The following CDCA2 variants were observed in gnomAD, a reference collection of about 807,000 sequenced individuals.
CDCA2 encodes cell division cycle-associated protein 2.
Under a neutral mutation model 67.0 loss-of-function variants are expected in CDCA2, and 44 were observed. The ratio of observed to expected loss-of-function variants is 0.66; its 90% CI spans 0.52 to 0.84. CDCA2 has a LOEUF of 0.84. Among genes scored for constraint, CDCA2 ranks in the 40% least tolerant of loss-of-function variants. CDCA2 has a pLI of 0.00. For synonymous variants in CDCA2, 447 were observed against 418.7 expected, an observed-to-expected ratio of 1.07 and a Z score of -0.82; for missense variants, 1,253 against 1,203.2, an observed-to-expected ratio of 1.04 and a Z score of -0.61.
At chr8:25,490,325 T>G (rs1803952537) in intron 13 of CDCA2, among the ~76,000 whole-genome samples, 2 of 151,964 alleles carry the variant, frequency 1.3e-5, no homozygotes, top group Non-Finnish European at 1.5e-5. Flanking sequence ...CCCAGGACCT[T>G]GCTGAATTAA....
rs554638374 is a variant in CDCA2, at chr8:25,506,944, A to G, written c.2278A>G (p.Asn760Asp). The change falls in exon 15 of 15, where the codon AAC (asparagine) becomes GAC (aspartate). Residue 760 changes from asparagine (N) to aspartate (D), a missense_variant. Asn to Asp is a conservative substitution (Grantham distance 23). Coordinates refer to ENST00000330560, the MANE Select transcript of CDCA2 (RefSeq NM_152562.4). ...CQFFKISPDL[N>D]IKCERKDDFL... Reference sequence around the variant, plus strand: ...GTTCTTTAAAATTTCACCAGATTTAAACATAAAGTGTGAAAGAAAGGATGA... The same window carrying G: ...GTTCTTTAAAATTTCACCAGATTTAGACATAAAGTGTGAAAGAAAGGATGA... 2.2e-5 allele frequency: 36 copies of G among 1,613,692 alleles called. No individual in the cohort carries two copies. The South Asian group carries it at 3.7e-4, about 17-fold the overall frequency.
Position 25,503,472 on chromosome 8 carries a change from A to G in CDCA2, c.1771A>G (p.Ser591Gly), listed in dbSNP as rs1214654951. The G allele has an allele frequency of 6.2e-7, 1 of 1,613,892 alleles. No homozygotes were observed. Among genetic ancestry groups the G allele is most frequent in the Non-Finnish European group, 8.5e-7 (1 of 1,179,918 alleles). Reference sequence around the variant, plus strand: ...CATTGCTTCTAAGAAGCCCCTCCTCAGTCCTATTCCCGAGCTGCCTGAAGT... The same window carrying G: ...CATTGCTTCTAAGAAGCCCCTCCTCGGTCCTATTCCCGAGCTGCCTGAAGT... Reference protein sequence around the residue: ...RDIASKKPLLSPIPELPEVPE... With the variant: ...RDIASKKPLLGPIPELPEVPE... Residue 591 changes from serine to glycine, a missense_variant, in exon 14 of 15, where the codon AGT becomes GGT. Coordinates refer to ENST00000330560, the MANE Select transcript of CDCA2 (RefSeq NM_152562.4).
At chr8:25,467,647 T>A (rs945879749) in intron 5 of CDCA2, among the ~76,000 whole-genome samples, 1 of 152,200 alleles carries the variant, frequency 6.6e-6, no homozygotes, top group Non-Finnish European at 1.5e-5. Flanking sequence ...TTTTAGTATA[T>A]CTTTGTACCT....
chr8:25,499,792 C>A (rs1211747546), intron 13 of CDCA2, among the ~76,000 whole-genome samples: 2 of 152,116 alleles, frequency 1.3e-5, no homozygotes, highest in Non-Finnish European at 2.9e-5. Context: ...TGTTCTTTGG[C>A]GATTCTAAGC....
At chr8:25,460,665 C>T in intron 3 of CDCA2, 111 bp downstream of exon 3, 2 of 1,123,558 alleles carry the variant, frequency 1.8e-6, no homozygotes, top group Non-Finnish European at 2.5e-6. Context: ...ACCTAAATTG[C>T]CTACTCTGCA....
intron 7 of CDCA2, among the ~76,000 whole-genome samples, chr8:25,476,091 C>T (rs1803336525): frequency 6.6e-6 from 1 of 152,196 alleles, no homozygotes; most frequent in South Asian, 2.1e-4. Flanking sequence ...TGTGGCTTTT[C>T]TCCATTCTGG....
intron 13 of CDCA2, among the ~76,000 whole-genome samples, chr8:25,497,770 C>T (rs924662664): frequency 6.6e-6 from 1 of 152,076 alleles, no homozygotes; most frequent in Non-Finnish European, 1.5e-5. Flanking sequence ...AATCATTTCC[C>T]AATGTGTACA....
intron 11 of CDCA2, among the ~76,000 whole-genome samples, chr8:25,486,318 G>A (rs757890125): frequency 1.3e-5 from 2 of 152,148 alleles, no homozygotes; most frequent in Non-Finnish European, 2.9e-5. Context: ...TAGCTGGCAG[G>A]TGTCATGGGC....
At chr8:25,463,421 C>T (rs932280412) in intron 4 of CDCA2, among the ~76,000 whole-genome samples, 1 of 152,124 alleles carries the variant, frequency 6.6e-6, no homozygotes, top group Non-Finnish European at 1.5e-5. Flanking sequence ...CAATGCATTG[C>T]TCATGCATTT....
chr8:25,479,730 G>A (rs1035930786), intron 7 of CDCA2, 183 bp from the exon 8 acceptor site: 8 of 615,114 alleles, frequency 1.3e-5, no homozygotes, highest in Non-Finnish European at 2.3e-5. Flanking sequence ...ACTGACCGAT[G>A]CTGCTTCTTT....
chr8:25,488,422 T>G (rs1486476039), intron 12 of CDCA2, 130 bp from the exon 13 acceptor site: 3 of 753,406 alleles, frequency 4.0e-6, no homozygotes, highest in Non-Finnish European at 3.8e-6. Flanking sequence ...TTTAATAAGG[T>G]TTGTGAATTA....
At chr8:25,460,775 G>C (rs1220343792) in intron 3 of CDCA2, among the ~76,000 whole-genome samples, 2 of 152,170 alleles carry the variant, frequency 1.3e-5, no homozygotes, top group African/African-American at 4.8e-5. Context: ...ATGTTCCCAA[G>C]TCAGAGTCGT....
chr8:25,504,706 T>A (rs1209440155), intron 14 of CDCA2, among the ~76,000 whole-genome samples: 1 of 152,086 alleles, frequency 6.6e-6, no homozygotes, highest in Non-Finnish European at 1.5e-5. Context: ...TGCCATGCTT[T>A]CTCACAGGCT....
chr8:25,483,903 T>C, intron 9 of CDCA2, 63 bp from the exon 10 acceptor site: 1 of 1,372,812 alleles, frequency 7.3e-7, no homozygotes, highest in Non-Finnish European at 1.0e-6. Context: ...TTCTAGTATA[T>C]GCCTTTTAGA....
intron 6 of CDCA2, 121 bp downstream of exon 6, chr8:25,468,534 T>TGG (rs1563262466): frequency 6.2e-6 from 3 of 481,684 alleles, no homozygotes; most frequent in East Asian, 6.6e-5. Flanking sequence ...GTTCCTGGGG[T>TGG]GTGTGTGTGT....
rs1232904805 is a variant in CDCA2 at position 25,480,053 on chromosome 8, A to G, written c.961A>G (p.Thr321Ala). The change falls in exon 8 of 15, where the codon ACC becomes GCC. Residue 321 changes from threonine to alanine, a missense_variant. Thr to Ala is a moderately conservative substitution (Grantham distance 58). Coordinates refer to ENST00000330560, the MANE Select transcript of CDCA2 (RefSeq NM_152562.4). ...TCCAGCCTGCAGGAGGGACCTTCCC[A>G]CCCCCAAGACCTTTGTACTTCGTTC... ...ATPACRRDLP[T>A]PKTFVLRSVL... is the part of the protein sequence containing the mutation. 2 of 1,614,022 alleles carry G rather than the reference A, an allele frequency of 1.2e-6. No individual in the cohort carries two copies. Among genetic ancestry groups the G allele is most frequent in the Non-Finnish European group, 1.7e-6 (2 of 1,180,012 alleles).
intron 6 of CDCA2, 84 bp downstream of exon 6, chr8:25,468,497 A>T (rs1803015424): frequency 1.9e-6 from 2 of 1,052,048 alleles, no homozygotes; most frequent in African/African-American, 3.2e-5. Flanking sequence ...GCCGTTCTTC[A>T]ATTTTAGTAC....
At chr8:25,470,076 G>A (rs1234130305) in intron 7 of CDCA2, 96 bp downstream of exon 7, 38 of 783,022 alleles carry the variant, frequency 4.9e-5, no homozygotes, top group Non-Finnish European at 6.9e-5. Flanking sequence ...AACTGAAATT[G>A]TTTCCTACTT....
chr8:25,460,967 C>A, intron 3 of CDCA2, among the ~76,000 whole-genome samples: 1 of 152,076 alleles, frequency 6.6e-6, no homozygotes, highest in East Asian at 1.9e-4. Flanking sequence ...GATGTACCTC[C>A]TTTAACAATC....
Sources: gnomAD v4.1 joint callset for allele counts (sites outside exome capture counted in the v4.1 genomes callset) on GRCh38, gnomAD v4.1.1 for gene constraint, MANE v1.5 for transcripts, NCBI Gene and HGNC (gene_info 2026-07-23, HGNC 2026-07-21) for gene names.